PRKG1: variants seen among roughly 807,000 people sequenced by gnomAD.
PRKG1 encodes the protein cGMP-dependent protein kinase 1.
In PRKG1, 35 loss-of-function variants were observed where a neutral mutation model predicts 88.1. The ratio of observed to expected loss-of-function variants is 0.40; its 90% CI spans 0.30 to 0.53. The LOEUF (loss-of-function observed/expected upper bound fraction) is 0.53, where lower values mean the gene tolerates loss of function less well. Ranked by LOEUF, PRKG1 falls within the 20% of genes least tolerant of loss-of-function variation. The pLI, the probability that PRKG1 is intolerant of heterozygous loss-of-function variation, is 0.59. For synonymous variants in PRKG1, 303 were observed against 292.5 expected (o/e 1.04, Z -0.37); for missense variants, 540 against 839.8 (o/e 0.64, Z 4.41).
intron 2 of PRKG1, among the ~76,000 whole-genome samples, chr10:51,337,469 C>T (rs909503127): frequency 3.9e-5 from 6 of 152,046 alleles, no homozygotes; most frequent in Admixed American, 1.3e-4. Flanking sequence ...TCATTATGAA[C>T]AGGCAACCTA....
intron 2 of PRKG1, among the ~76,000 whole-genome samples, chr10:51,354,886 T>C (rs1318474253): frequency 6.6e-6 from 1 of 152,102 alleles, no homozygotes; most frequent in Admixed American, 6.6e-5. Context: ...GTCTTTCATC[T>C]GTGCTGTGTA....
chr10:51,444,295 C>G lies in PRKG1; in HGVS notation c.479-23428C>G, dbSNP rs188171791. ...TTGCACCTCATCATTTTGCAGGAGG[C>G]AGAGGCTGCTGCAGTGTTTGTGTGT... is the stretch of plus-strand genomic sequence containing the variant. On this transcript the variant is annotated intron_variant, in intron 2 of 17. Coordinates refer to ENST00000373980, the MANE Select transcript of PRKG1 (RefSeq NM_006258.4). Among the ~76,000 whole-genome samples the G allele has an allele frequency of 3.4e-3, 511 of 151,604 alleles. 7 individuals carry two copies. The highest frequency in any genetic ancestry group is 4.8e-3 in the Non-Finnish European group (325 of 67,798).
intron 4 of PRKG1, among the ~76,000 whole-genome samples, chr10:51,829,984 C>T (rs574700877): frequency 1.3e-5 from 2 of 152,050 alleles, no homozygotes; most frequent in African/African-American, 2.4e-5. Context: ...GTTGATGAAA[C>T]CAGCTTTCTC....
At position 52,143,828 on chromosome 10, in the gene PRKG1, G is replaced by C. The variant is rs181926097; in HGVS notation, c.1001+9923G>C. On this transcript the variant is annotated intron_variant, in intron 8 of 17. Coordinates refer to ENST00000373980, the MANE Select transcript of PRKG1 (RefSeq NM_006258.4). ...AGAGCAGTTAAAAGAGTAAATTTTG[G>C]ACTGAGAGGGAATAAATCAATTATC... Among the ~76,000 whole-genome samples, 309 of 149,844 alleles carry C rather than the reference G, an allele frequency of 2.1e-3. 1 individual carries two copies. Among genetic ancestry groups the C allele is most frequent in the African/African-American group, 7.4e-3 (297 of 40,256 alleles).
intron 10 of PRKG1, among the ~76,000 whole-genome samples, chr10:52,253,740 C>T (rs190106916): frequency 2.0e-4 from 30 of 151,988 alleles, no homozygotes; most frequent in Admixed American, 9.9e-4. Context: ...ATATAATGAA[C>T]ACCATAGTCC....
chr10:51,429,869 C>T (rs1838707635), intron 2 of PRKG1, among the ~76,000 whole-genome samples: 1 of 151,456 alleles, frequency 6.6e-6, no homozygotes, highest in East Asian at 1.9e-4. Context: ...TCTCAAAGAC[C>T]TTTAGTATAC....
At chr10:52,264,481 A>G (rs1841522502) in intron 10 of PRKG1, among the ~76,000 whole-genome samples, 1 of 151,846 alleles carries the variant, frequency 6.6e-6, no homozygotes, top group East Asian at 1.9e-4. Flanking sequence ...ATCACAATTT[A>G]TATTAAACGT....
chr10:50,997,474 A>G (rs912537704), intron 1 of PRKG1, among the ~76,000 whole-genome samples: 3 of 152,142 alleles, frequency 2.0e-5, no homozygotes, highest in African/African-American at 7.2e-5. Flanking sequence ...CTCTTTCCTG[A>G]CTACGGTCCT....
intron 2 of PRKG1, among the ~76,000 whole-genome samples, chr10:51,231,710 ATTT>A (rs758817416): frequency 1.0e-4 from 14 of 140,104 alleles, no homozygotes; most frequent in Non-Finnish European, 6.3e-5. Context: ...CATCTGAAAC[ATTT>A]TTTTTTTTTT....
chr10:51,079,619 A>G (rs1193728477), intron 1 of PRKG1, among the ~76,000 whole-genome samples: 1 of 152,132 alleles, frequency 6.6e-6, no homozygotes, highest in African/African-American at 2.4e-5. Flanking sequence ...CTTGGTTTCT[A>G]TGATTTGATA....
intron 3 of PRKG1, among the ~76,000 whole-genome samples, chr10:51,773,203 T>A (rs534992859): frequency 6.6e-6 from 1 of 152,240 alleles, no homozygotes; most frequent in South Asian, 2.1e-4. Flanking sequence ...TATGCTATAG[T>A]TGACTTTCTC....
At chr10:52,081,088 A>T (rs896445859) in intron 7 of PRKG1, among the ~76,000 whole-genome samples, 2 of 152,192 alleles carry the variant, frequency 1.3e-5, no homozygotes, top group African/African-American at 4.8e-5. Context: ...CCACTTGCAA[A>T]CACATTTCAG....
intron 9 of PRKG1, among the ~76,000 whole-genome samples, chr10:52,187,861 G>A (rs1839238782): frequency 6.6e-6 from 1 of 152,164 alleles, no homozygotes; most frequent in Non-Finnish European, 1.5e-5. Flanking sequence ...ATCCTCAGGT[G>A]CAGTAAGTGG....
chr10:51,396,123 T>C (rs142933597), intron 2 of PRKG1, among the ~76,000 whole-genome samples: 27 of 152,330 alleles, frequency 1.8e-4, no homozygotes, highest in African/African-American at 6.0e-4. Flanking sequence ...CCATGGCTAA[T>C]GCCTGTAATC....
intron 3 of PRKG1, among the ~76,000 whole-genome samples, chr10:51,765,561 C>T (rs1389668413): frequency 6.6e-6 from 1 of 152,180 alleles, no homozygotes; most frequent in Non-Finnish European, 1.5e-5. Context: ...ATTCCTAGTG[C>T]TTGGCACTGA....
At position 51,093,521 on chromosome 10, in the gene PRKG1, G is replaced by A. The variant is rs184257997; in HGVS notation, c.311+18620G>A. Among the ~76,000 whole-genome samples, 658 of 151,830 alleles carry A rather than the reference G, an allele frequency of 4.3e-3. 11 individuals carry two copies. Among genetic ancestry groups the A allele is most frequent in the Non-Finnish European group, 4.3e-3 (289 of 67,932 alleles). On this transcript the variant is annotated intron_variant, in intron 1 of 17. Transcript: ENST00000373980. ...CAGGAGAACTTTTCTGCCCATACCA[G>A]TCTGAAATGCTTTGTTTTATGGTAT...
chr10:51,382,998 G>A (rs1837149169), intron 2 of PRKG1, among the ~76,000 whole-genome samples: 1 of 152,044 alleles, frequency 6.6e-6, no homozygotes, highest in Admixed American at 6.6e-5. Context: ...AATGCCTTGT[G>A]CTGCTTGTCT....
At chr10:51,563,261 G>A (rs886335993) in intron 3 of PRKG1, among the ~76,000 whole-genome samples, 68 of 152,236 alleles carry the variant, frequency 4.5e-4, no homozygotes, top group African/African-American at 1.6e-3. Context: ...ACTATAGTTA[G>A]CAATAATGTA....
intron 2 of PRKG1, among the ~76,000 whole-genome samples, chr10:51,290,323 G>T (rs1220979110): frequency 1.3e-5 from 2 of 152,168 alleles, no homozygotes; most frequent in East Asian, 3.8e-4. Flanking sequence ...ATTTACAGGT[G>T]CATCTGCATA....
Sources: allele counts gnomAD v4.1 joint callset (sites outside exome capture counted in the v4.1 genomes callset), GRCh38; gene constraint gnomAD v4.1.1; transcripts MANE v1.5; gene names NCBI Gene and HGNC (gene_info 2026-07-23, HGNC 2026-07-21).